HAT1: variants seen among roughly 807,000 people sequenced by gnomAD.
HAT1 encodes histone acetyltransferase 1, also known as histone acetyltransferase type B catalytic subunit.
Under a neutral mutation model 56.6 loss-of-function variants are expected in HAT1, and 20 were observed. The observed-to-expected ratio is 0.35, with a 90% CI of 0.25 to 0.51. The LOEUF is 0.51. Among genes scored for constraint, HAT1 ranks in the 20% least tolerant of loss-of-function variants. HAT1 has a pLI of 0.95. For synonymous variants in HAT1, 146 were observed against 165.5 expected (o/e 0.88, Z 0.91); for missense variants, 408 against 504.3 (o/e 0.81, Z 1.83).
chr2:171,965,310 T>C lies in HAT1; in HGVS notation c.310-28T>C, dbSNP rs374622489. On this transcript the variant is annotated intron_variant, in intron 4 of 10. Coordinates refer to ENST00000264108, the MANE Select transcript of HAT1 (RefSeq NM_003642.4). ...ATTCAACTTAAAGTCGAATTTGTTATTAATTTTTTATATCCTTTATTCTTT... is the reference window on the plus strand; with the variant it reads ...ATTCAACTTAAAGTCGAATTTGTTACTAATTTTTTATATCCTTTATTCTTT... 8 of 1,362,186 alleles carry C rather than the reference T, an allele frequency of 5.9e-6. No individual in the cohort carries two copies. The African/African-American group carries it at 1.0e-4, about 17-fold the overall frequency. 84.4% of individuals were successfully genotyped at this position (1,362,186 alleles called of 1,614,324 possible).
chr2:171,970,496 C>CTTTTTTTTTTTTTTTT (rs61462189), intron 8 of HAT1, among the ~76,000 whole-genome samples: 5 of 74,988 alleles, frequency 6.7e-5, no homozygotes, highest in Admixed American at 1.9e-4. Context: ...AATGCAGTTT[C>CTTTTTTTTTTTTTTTT]TTTTTTTTTT....
chr2:171,924,669 TATTTA>T (rs1184053556), intron 1 of HAT1: 5 of 152,356 alleles, frequency 3.3e-5, no homozygotes, highest in African/African-American at 1.2e-4. Context: ...GATTTTTAAA[TATTTA>T]ATACAGTGGA....
intron 2 of HAT1, among the ~76,000 whole-genome samples, chr2:171,939,315 C>T (rs1259020501): frequency 6.6e-6 from 1 of 152,186 alleles, no homozygotes; most frequent in African/African-American, 2.4e-5. Flanking sequence ...ACCCAGTGTT[C>T]GCTCGTCACC....
Position 171,953,004 on chromosome 2 carries a change from A to G in HAT1, c.309+3A>G. On this transcript the variant is annotated splice_donor_region_variant and intron_variant, in intron 4 of 10. Coordinates refer to ENST00000264108, the MANE Select transcript of HAT1 (RefSeq NM_003642.4). ...ATGAGAACTTTGACTGTGTAGAGGT[A>G]AGAACAGAAATACTTTTTAAACTGT... 1 of 1,558,314 alleles carries G rather than the reference A, an allele frequency of 6.4e-7. No individual in the cohort carries two copies. Among genetic ancestry groups the G allele is most frequent in the Non-Finnish European group, 8.7e-7 (1 of 1,148,832 alleles).
intron 9 of HAT1, among the ~76,000 whole-genome samples, chr2:171,977,539 ATATATATATATATATATATTTTTTTT>A (rs1293478451): frequency 1.8e-4 from 5 of 28,082 alleles, no homozygotes; most frequent in South Asian, 1.3e-3. Flanking sequence ...ATATATATAT[ATATATATATATATATATATTTTTTTT>A]TTTTTTTTTT....
chr2:171,952,956 T>C lies in HAT1; in HGVS notation c.264T>C (p.Arg88=), dbSNP rs1472675044. 5 of 1,591,732 alleles carry C rather than the reference T, an allele frequency of 3.1e-6. No individual in the cohort carries two copies. The African/African-American group carries it at 6.7e-5, about 21-fold the overall frequency. ...YIAGSLSTMF[R]VEYASKVDEN... is the part of the protein sequence containing the mutation. Reference sequence around the variant, plus strand: ...CTGGTAGCCTGTCAACAATGTTCCGTGTTGAATATGCATCTAAAGTTGATG... The same window carrying C: ...CTGGTAGCCTGTCAACAATGTTCCGCGTTGAATATGCATCTAAAGTTGATG... The change falls in exon 4 of 11, where the codon CGT becomes CGC. Residue 88 remains arginine (R), a synonymous_variant. Coordinates refer to ENST00000264108, the MANE Select transcript of HAT1 (RefSeq NM_003642.4).
At chr2:171,965,574 G>A (rs1455776369) in intron 5 of HAT1, 57 bp downstream of exon 5, 35 of 1,178,598 alleles carry the variant, frequency 3.0e-5, no homozygotes, top group Non-Finnish European at 4.2e-5. Flanking sequence ...AAACCTGTAT[G>A]TAGTTTTGTT....
intron 1 of HAT1, 120 bp downstream of exon 1, chr2:171,922,627 C>A: frequency 1.2e-6 from 1 of 838,098 alleles, no homozygotes; most frequent in Non-Finnish European, 1.7e-6. Flanking sequence ...TTCCAGAAGG[C>A]CTGCTTGGGA....
At chr2:171,944,828 C>G (rs1445113726) in intron 2 of HAT1, among the ~76,000 whole-genome samples, 2 of 152,134 alleles carry the variant, frequency 1.3e-5, no homozygotes, top group Non-Finnish European at 2.9e-5. Flanking sequence ...CAGGGAGTGA[C>G]CTGGTCTGTG....
chr2:171,956,338 G>GCA (rs369976656), intron 4 of HAT1, among the ~76,000 whole-genome samples: 9 of 151,276 alleles, frequency 5.9e-5, no homozygotes, highest in Admixed American at 4.0e-4. Flanking sequence ...ACGCACGCAT[G>GCA]CACACACACA....
At chr2:171,958,636 A>T (rs1687505413) in intron 4 of HAT1, among the ~76,000 whole-genome samples, 1 of 152,082 alleles carries the variant, frequency 6.6e-6, no homozygotes, top group African/African-American at 2.4e-5. Flanking sequence ...CTATCATTGT[A>T]AGGAGCTTCA....
At chr2:171,946,687 T>A in intron 2 of HAT1, 21 bp from the exon 3 acceptor site, 1 of 1,426,350 alleles carries the variant, frequency 7.0e-7, no homozygotes. Flanking sequence ...AATATCTCTA[T>A]TTTTTTGTCC....
At chr2:171,961,891 G>GT (rs61586009) in intron 4 of HAT1, among the ~76,000 whole-genome samples, 50,126 of 141,606 alleles carry the variant, frequency 0.35, 9,446 homozygotes, top group South Asian at 0.48. Context: ...TCTTTTGCTT[G>GT]TTTTTTTTTT....
At chr2:171,961,981 C>A (rs1257582028) in intron 4 of HAT1, among the ~76,000 whole-genome samples, 4 of 151,446 alleles carry the variant, frequency 2.6e-5, no homozygotes, top group Non-Finnish European at 5.9e-5. Flanking sequence ...AACATGTTAC[C>A]ACCTACTTAA....
chr2:171,953,686 C>T (rs115781191), intron 4 of HAT1, among the ~76,000 whole-genome samples: 146,128 of 148,646 alleles, frequency 0.98, 71,883 homozygotes, highest in Middle Eastern at 1. Flanking sequence ...GAATCTGTTA[C>T]ATGGTAGTTT....
At chr2:171,926,726 T>A (rs145976646) in intron 2 of HAT1, among the ~76,000 whole-genome samples, 2,737 of 152,324 alleles carry the variant, frequency 0.018, 52 homozygotes, top group Admixed American at 0.067. Context: ...ACAGCGCCCC[T>A]CCTGGTTTGA....
At chr2:171,942,726 T>C (rs570999461) in intron 2 of HAT1, among the ~76,000 whole-genome samples, 1 of 152,322 alleles carries the variant, frequency 6.6e-6, no homozygotes, top group South Asian at 2.1e-4. Flanking sequence ...TATGTCACAC[T>C]GGTTGAACCT....
intron 9 of HAT1, among the ~76,000 whole-genome samples, chr2:171,977,318 T>C (rs1687991646): frequency 6.7e-6 from 1 of 148,820 alleles, no homozygotes; most frequent in African/African-American, 2.5e-5. Context: ...GAAAATTAGC[T>C]GGGCGTGGTG....
intron 4 of HAT1, among the ~76,000 whole-genome samples, chr2:171,953,555 T>A (rs914518176): frequency 1.5e-5 from 2 of 135,804 alleles, no homozygotes; most frequent in African/African-American, 2.8e-5. Flanking sequence ...GCCCAGGAGC[T>A]TGAGGCTGCC....
Sources: gnomAD v4.1 joint callset for allele counts (sites outside exome capture counted in the v4.1 genomes callset) on GRCh38, gnomAD v4.1.1 for gene constraint, MANE v1.5 for transcripts, NCBI Gene and HGNC (gene_info 2026-07-23, HGNC 2026-07-21) for gene names.